Variants in SEC23A observed in about 807,000 individuals in gnomAD.
SEC23A encodes the protein SEC23 homolog A, COPII component, also known as protein transport protein Sec23A.
A neutral mutation model predicts 103.7 loss-of-function variants in SEC23A; 56 were observed. That is an observed-to-expected ratio of 0.54 (90% CI 0.44 to 0.67). SEC23A has a LOEUF of 0.67. Among genes scored for constraint, SEC23A ranks in the 30% least tolerant of loss-of-function variants. The pLI is 0.00. For synonymous variants in SEC23A, 281 were observed against 293.0 expected (o/e 0.96, Z 0.42); for missense variants, 784 against 936.4 (o/e 0.84, Z 2.12).
intron 3 of SEC23A, 26 bp from the exon 4 acceptor site, chr14:39,092,653 T>A (rs774689711): frequency 9.8e-6 from 13 of 1,326,506 alleles, no homozygotes; most frequent in Admixed American, 1.7e-5. Flanking sequence ...AAACAAAAAT[T>A]TTTAACAAAT....
At chr14:39,054,669 T>C (rs557319556) in intron 14 of SEC23A, among the ~76,000 whole-genome samples, 4 of 152,230 alleles carry the variant, frequency 2.6e-5, no homozygotes, top group East Asian at 3.9e-4. Flanking sequence ...GGTTTCGCCA[T>C]GTTGCCCAGG....
intron 11 of SEC23A, among the ~76,000 whole-genome samples, chr14:39,063,952 C>T (rs1484698707): frequency 6.7e-6 from 1 of 149,362 alleles, no homozygotes; most frequent in East Asian, 2.0e-4. Context: ...GCCGAGAAGG[C>T]GCCACTGCAC....
intron 2 of SEC23A, among the ~76,000 whole-genome samples, chr14:39,095,470 G>C (rs543352109): frequency 6.6e-6 from 1 of 152,006 alleles, no homozygotes; most frequent in Non-Finnish European, 1.5e-5. Context: ...GCTAAGTTTT[G>C]TATTTTTAGT....
rs1276785608 is a variant in SEC23A, at chr14:39,085,687, T to TACACACAC, written c.828+74_828+75insGTGTGTGT. On this transcript the variant is annotated intron_variant, in intron 7 of 19. Coordinates refer to ENST00000307712, the MANE Select transcript of SEC23A (RefSeq NM_006364.4). Reference sequence around the variant, plus strand: ...GGTTCTTCTTATCCTTATAATTATATATACACACACACACACACACACACA... The same window carrying TACACACAC: ...GGTTCTTCTTATCCTTATAATTATATACACACACATACACACACACACACACACACACA... 7,408 of 1,175,170 alleles carry TACACACAC rather than the reference T, an allele frequency of 6.3e-3. 59 individuals are homozygous for TACACACAC. Among genetic ancestry groups the TACACACAC allele is most frequent in the African/African-American group, 0.047 (2,419 of 51,062 alleles). 72.8% of individuals were successfully genotyped at this position (1,175,170 alleles called of 1,614,324 possible). A position where few individuals can be genotyped will look rare whatever the true frequency, so the allele number is the denominator to read the frequency against.
At chr14:39,038,199 A>G (rs1885522273) in intron 19 of SEC23A, among the ~76,000 whole-genome samples, 1 of 152,098 alleles carries the variant, frequency 6.6e-6, no homozygotes, top group Admixed American at 6.5e-5. Flanking sequence ...TGCAATTTCC[A>G]ATTACTGAAA....
intron 14 of SEC23A, among the ~76,000 whole-genome samples, chr14:39,052,874 G>A (rs1594445937): frequency 6.6e-6 from 1 of 152,186 alleles, no homozygotes; most frequent in Non-Finnish European, 1.5e-5. Context: ...GGTAGCTCAC[G>A]CCTGTAATCC....
intron 16 of SEC23A, among the ~76,000 whole-genome samples, chr14:39,044,783 C>T (rs1450639900): frequency 6.6e-6 from 1 of 152,192 alleles, no homozygotes; most frequent in Non-Finnish European, 1.5e-5. Context: ...AATGTCATAA[C>T]TGTCACAGAC....
chr14:39,056,691 G>A lies in SEC23A; in HGVS notation c.1506-1395C>T, dbSNP rs1162105156. Among the ~76,000 whole-genome samples the A allele has an allele frequency of 2.0e-5, 3 of 151,932 alleles. No individual in the cohort carries two copies. In the East Asian group the frequency reaches 5.8e-4, roughly 29 times the overall value. ...TAGCCCAGGCTGGTCTTGAACTCCT[G>A]AGCTCAGGCAATCCACCCACCTGAA... On this transcript the variant is annotated intron_variant, in intron 13 of 19. Coordinates refer to ENST00000307712, the MANE Select transcript of SEC23A (RefSeq NM_006364.4).
chr14:39,089,161 G>A (rs1263239799), intron 5 of SEC23A, among the ~76,000 whole-genome samples: 2 of 130,222 alleles, frequency 1.5e-5, no homozygotes, highest in Admixed American at 8.3e-5. Flanking sequence ...GCAAGACTCC[G>A]TGTCAAAAAA....
intron 13 of SEC23A, among the ~76,000 whole-genome samples, chr14:39,060,089 ATG>A: frequency 6.7e-6 from 1 of 148,342 alleles, no homozygotes; most frequent in East Asian, 2.0e-4. Flanking sequence ...GTCAAATTTA[ATG>A]TGTGCACACA....
At chr14:39,039,193 T>C (rs367676210) in intron 18 of SEC23A, 97 bp from the exon 19 acceptor site, 2 of 985,628 alleles carry the variant, frequency 2.0e-6, no homozygotes, top group Non-Finnish European at 3.1e-6. Flanking sequence ...TTATTTAGTA[T>C]GTGTTGGTAA....
intron 13 of SEC23A, among the ~76,000 whole-genome samples, chr14:39,059,739 T>G (rs932566975): frequency 6.6e-6 from 1 of 152,198 alleles, no homozygotes; most frequent in African/African-American, 2.4e-5. Context: ...GTATATCTCC[T>G]AAGAACAAAA....
Position 39,055,134 on chromosome 14 carries a change from A to G in SEC23A, c.1659+9T>C. The G allele has an allele frequency of 6.2e-7, 1 of 1,614,072 alleles. No individual in the cohort carries two copies. The highest frequency in any genetic ancestry group is 8.5e-7 in the Non-Finnish European group (1 of 1,179,958). On this transcript the variant is annotated intron_variant, in intron 14 of 19. Coordinates refer to ENST00000307712, the MANE Select transcript of SEC23A (RefSeq NM_006364.4). ...ACAGATTTAGAAAAGCACAGTGTTT[A>G]TTTCTTACCAGTCGAATGAGCTGTC...
At chr14:39,078,558 CT>C (rs1887118634) in intron 7 of SEC23A, among the ~76,000 whole-genome samples, 1 of 152,294 alleles carries the variant, frequency 6.6e-6, no homozygotes, top group Non-Finnish European at 1.5e-5. Flanking sequence ...GAACTACTCT[CT>C]GTAGAAAGCA....
At chr14:39,069,652 G>T (rs1267542996) in intron 9 of SEC23A, among the ~76,000 whole-genome samples, 3 of 151,800 alleles carry the variant, frequency 2.0e-5, no homozygotes, top group Admixed American at 6.6e-5. Flanking sequence ...TAGAGACAGG[G>T]TTTCACCATG....
intron 2 of SEC23A, among the ~76,000 whole-genome samples, chr14:39,095,526 G>A (rs1012409717): frequency 2.6e-5 from 4 of 152,084 alleles, no homozygotes; most frequent in African/African-American, 9.7e-5. Flanking sequence ...TCGAACTCCT[G>A]ACTTCAGGTG....
chr14:39,034,400 A>T (rs1885396431), intron 19 of SEC23A, among the ~76,000 whole-genome samples: 1 of 152,244 alleles, frequency 6.6e-6, no homozygotes, highest in African/African-American at 2.4e-5. Flanking sequence ...CACACAGTAG[A>T]CATACATGTT....
intron 7 of SEC23A, among the ~76,000 whole-genome samples, chr14:39,077,868 G>C (rs1160390009): frequency 6.6e-6 from 1 of 152,162 alleles, no homozygotes; most frequent in Non-Finnish European, 1.5e-5. Context: ...AGGAGGTGGA[G>C]GTTGCAGTGA....
chr14:39,065,801 C>G (rs1027113363), intron 10 of SEC23A, among the ~76,000 whole-genome samples: 4 of 152,094 alleles, frequency 2.6e-5, no homozygotes, highest in African/African-American at 7.2e-5. Flanking sequence ...GAGTTCAAGA[C>G]CAGCCTGACC....
Sources: gnomAD v4.1 joint callset for allele counts (sites outside exome capture counted in the v4.1 genomes callset) on GRCh38, gnomAD v4.1.1 for gene constraint, MANE v1.5 for transcripts, NCBI Gene and HGNC (gene_info 2026-07-23, HGNC 2026-07-21) for gene names.